INPP4B: variants seen among roughly 807,000 people sequenced by gnomAD.
The protein encoded by INPP4B is inositol polyphosphate 4-phosphatase type II.
A neutral mutation model predicts 122.5 loss-of-function variants in INPP4B; 55 were observed. That is an observed-to-expected ratio of 0.45 (90% CI 0.36 to 0.56). INPP4B has a LOEUF of 0.56. Among genes scored for constraint, INPP4B ranks in the 20% least tolerant of loss-of-function variants. The pLI is 0.00. For synonymous variants in INPP4B, 403 were observed against 388.7 expected (o/e 1.04, Z -0.43); for missense variants, 1,000 against 1,097.7 (o/e 0.91, Z 1.26).
chr4:142,110,730 C>A (rs932202840), intron 22 of INPP4B, among the ~76,000 whole-genome samples: 1 of 152,052 alleles, frequency 6.6e-6, no homozygotes, highest in East Asian at 1.9e-4. Context: ...AAAGTGCATT[C>A]TTAGTATGCA....
At chr4:142,739,299 CT>C (rs1359033684) in intron 1 of INPP4B, among the ~76,000 whole-genome samples, 1 of 151,816 alleles carries the variant, frequency 6.6e-6, no homozygotes, top group African/African-American at 2.4e-5. Flanking sequence ...TGCATTGGTT[CT>C]TGAATGATAT....
intron 7 of INPP4B, among the ~76,000 whole-genome samples, chr4:142,340,112 G>A (rs918775141): frequency 1.3e-5 from 2 of 152,160 alleles, no homozygotes; most frequent in African/African-American, 2.4e-5. Flanking sequence ...AAAGCACATC[G>A]CATGGAGAGC....
intron 11 of INPP4B, among the ~76,000 whole-genome samples, chr4:142,256,565 T>C (rs1351597053): frequency 6.6e-6 from 1 of 152,154 alleles, no homozygotes; most frequent in African/African-American, 2.4e-5. Flanking sequence ...CATCAGAGAA[T>C]ACTACAAACA....
At position 142,384,745 on chromosome 4, in the gene INPP4B, T is replaced by G. The variant is rs79526585; in HGVS notation, c.372+18193A>C. Among the ~76,000 whole-genome samples, 50 of 152,280 alleles carry G rather than the reference T, an allele frequency of 3.3e-4. No individual in the cohort carries two copies. The East Asian group carries it at 9.7e-3, about 29-fold the overall frequency. On this transcript the variant is annotated intron_variant, in intron 7 of 25. Coordinates refer to ENST00000262992, the MANE Select transcript of INPP4B (RefSeq NM_001101669.3). ...TGTGCAGGTTTTAGTTAAACTCGTG[T>G]CATGGGGGTTTGTTGTGCAGATTAC...
At chr4:142,360,491 C>G (rs778795029) in intron 7 of INPP4B, among the ~76,000 whole-genome samples, 1 of 151,964 alleles carries the variant, frequency 6.6e-6, no homozygotes, top group East Asian at 1.9e-4. Flanking sequence ...TTACCCTGAA[C>G]GTACATATCA....
rs1655292825 is a variant in INPP4B, at chr4:142,145,931, A to C, written c.1629T>G (p.Ile543Met). The C allele has an allele frequency of 6.2e-7, 1 of 1,613,806 alleles. No homozygotes were observed. The change falls in exon 18 of 26, where the codon ATT (isoleucine) becomes ATG (methionine). Residue 543 changes from isoleucine to methionine, a missense_variant. By Grantham distance (10) the Ile-to-Met change is conservative. Transcript: ENST00000262992. Reference protein sequence around the residue: ...NCIIAMVDKLIERDGGSEGSG... With the variant: ...NCIIAMVDKLMERDGGSEGSG... ...TGCCTTCACTGCCACCATCTCTTTC[A>C]ATCAGTTTGTCCACCATAGCAATAA... is the stretch of plus-strand genomic sequence containing the variant.
chr4:142,271,788 T>C (rs1367684809), intron 9 of INPP4B, among the ~76,000 whole-genome samples: 5 of 152,198 alleles, frequency 3.3e-5, no homozygotes, highest in Non-Finnish European at 5.9e-5. Flanking sequence ...TATTCAATGA[T>C]AATAATATAA....
intron 18 of INPP4B, among the ~76,000 whole-genome samples, chr4:142,143,939 A>G (rs938909914): frequency 6.6e-6 from 1 of 152,052 alleles, no homozygotes; most frequent in African/African-American, 2.4e-5. Flanking sequence ...ATTCTAACAC[A>G]AGAAAGAATT....
rs115553958 is a variant in INPP4B, at chr4:142,345,344, C to T, written c.373-30582G>A. ...TTTTATGAAAAGGATCTATATTCAC[C>T]ATCAGATAATTGTTCCCTAATTTAA... On this transcript the variant is annotated intron_variant, in intron 7 of 25. Transcript: ENST00000262992. 9.8e-3 allele frequency among the ~76,000 whole-genome samples: 1,495 copies of T among 151,902 alleles called. 24 individuals are homozygous for T. Among genetic ancestry groups the T allele is most frequent in the African/African-American group, 0.035 (1,436 of 41,440 alleles).
chr4:142,359,671 C>T (rs1230416977), intron 7 of INPP4B, among the ~76,000 whole-genome samples: 1 of 151,840 alleles, frequency 6.6e-6, no homozygotes, highest in East Asian at 1.9e-4. Flanking sequence ...CTTTCCTCTC[C>T]TTTTTTGCCA....
At chr4:142,150,058 T>A (rs1337481952) in intron 17 of INPP4B, among the ~76,000 whole-genome samples, 1 of 152,232 alleles carries the variant, frequency 6.6e-6, no homozygotes, top group Admixed American at 6.5e-5. Context: ...ATTATATCTC[T>A]GTGAAAACAT....
At chr4:142,720,231 T>C (rs768653745) in intron 2 of INPP4B, among the ~76,000 whole-genome samples, 5 of 152,148 alleles carry the variant, frequency 3.3e-5, no homozygotes, top group African/African-American at 7.2e-5. Context: ...GCAAAAAAAA[T>C]AGTTCTTAAA....
intron 7 of INPP4B, among the ~76,000 whole-genome samples, chr4:142,393,430 G>A (rs13133199): frequency 0.72 from 108,902 of 152,120 alleles, 39,326 homozygotes; most frequent in East Asian, 0.88. Context: ...ATGTTTCAGC[G>A]TAAGGAGGTA....
intron 2 of INPP4B, among the ~76,000 whole-genome samples, chr4:142,720,893 C>CGTGTGT (rs35250436): frequency 0.028 from 3,081 of 111,246 alleles, 59 homozygotes; most frequent in Non-Finnish European, 0.042. Flanking sequence ...GAGTGCATCT[C>CGTGTGT]GTGTGTGTGT....
intron 2 of INPP4B, among the ~76,000 whole-genome samples, chr4:142,482,523 T>C (rs1380887711): frequency 6.6e-6 from 1 of 152,170 alleles, no homozygotes; most frequent in African/African-American, 2.4e-5. Flanking sequence ...TCACCATCCC[T>C]CCTTAGAACT....
intron 16 of INPP4B, among the ~76,000 whole-genome samples, chr4:142,168,369 G>A (rs560282259): frequency 5.5e-4 from 84 of 151,612 alleles, no homozygotes; most frequent in African/African-American, 2.0e-3. Flanking sequence ...GTATGTGCTT[G>A]TTGGATGGCA....
chr4:142,537,429 T>TAGAGAGAGAG (rs1157643466), intron 2 of INPP4B, among the ~76,000 whole-genome samples: 28 of 25,462 alleles, frequency 1.1e-3, no homozygotes, highest in Non-Finnish European at 1.7e-3. Flanking sequence ...TATATATATA[T>TAGAGAGAGAG]AGAGAGAGAG....
intron 10 of INPP4B, among the ~76,000 whole-genome samples, chr4:142,268,969 T>C (rs764862773): frequency 3.3e-5 from 5 of 152,260 alleles, no homozygotes; most frequent in Non-Finnish European, 1.5e-5. Flanking sequence ...CAATTCCTTG[T>C]GGGCCCCAAC....
chr4:142,117,788 G>A (rs1278323030), intron 21 of INPP4B, among the ~76,000 whole-genome samples: 1 of 152,082 alleles, frequency 6.6e-6, no homozygotes, highest in Non-Finnish European at 1.5e-5. Flanking sequence ...GGAAGTTCTG[G>A]CTAGGGCAAT....
Sources: allele counts gnomAD v4.1 joint callset (sites outside exome capture counted in the v4.1 genomes callset), GRCh38; gene constraint gnomAD v4.1.1; transcripts MANE v1.5; gene names NCBI Gene and HGNC (gene_info 2026-07-23, HGNC 2026-07-21).